Variants in RAP1GAP2 observed in about 807,000 individuals in gnomAD.
RAP1GAP2 encodes the protein rap1 GTPase-activating protein 2.
RAP1GAP2 carries 27 observed loss-of-function variants against 95.0 expected under a neutral mutation model. The observed-to-expected ratio is 0.28, with a 90% CI of 0.21 to 0.39. RAP1GAP2 has a LOEUF of 0.39. Ranked by LOEUF, RAP1GAP2 falls within the 10% of genes least tolerant of loss-of-function variation. The pLI is 1.00. For synonymous variants in RAP1GAP2, 373 were observed against 380.9 expected (o/e 0.98, Z 0.24); for missense variants, 771 against 970.0 (o/e 0.79, Z 2.72).
At chr17:2,830,669 A>G (rs1460855737) in intron 2 of RAP1GAP2, among the ~76,000 whole-genome samples, 5 of 151,686 alleles carry the variant, frequency 3.3e-5, no homozygotes, top group East Asian at 1.9e-4. Context: ...AGCCGAGATC[A>G]CACCACTGCA....
chr17:2,814,733 AC>A (rs954042016), intron 2 of RAP1GAP2, among the ~76,000 whole-genome samples: 49 of 150,168 alleles, frequency 3.3e-4, no homozygotes, highest in African/African-American at 1.2e-3. Flanking sequence ...GTGTGGTACC[AC>A]CCCCCCCAAC....
rs1259947293 is a variant in RAP1GAP2, at chr17:3,021,214, T to C, written c.1751+619T>C. 2.0e-5 allele frequency among the ~76,000 whole-genome samples: 3 copies of C among 152,180 alleles called. No individual in the cohort carries two copies. The South Asian group carries it at 6.2e-4, about 31-fold the overall frequency. ...TCTTTTCTAGCTATTTTGAGCTATG[T>C]AATACATTATTATCAACTATAGTCA... On this transcript the variant is annotated intron_variant, in intron 19 of 24. Transcript: ENST00000254695.
Position 2,867,559 on chromosome 17 carries a change from G to A in RAP1GAP2, c.81-37725G>A, listed in dbSNP as rs2072665224. ...GATGTCCCAGGGATGGCTCACCCTG[G>A]ACAGAAAGTGAGTCACATACGCATC... On this transcript the variant is annotated intron_variant, in intron 2 of 24. Transcript: ENST00000254695. The surrounding 1 kb of genome is among the most constrained non-coding windows in gnomAD (Gnocchi z 4.5). 6.6e-6 allele frequency among the ~76,000 whole-genome samples: 1 copy of A among 152,166 alleles called. No individual in the cohort carries two copies. The highest frequency in any genetic ancestry group is 1.5e-5 in the Non-Finnish European group (1 of 68,030).
chr17:2,779,695 G>A lies in RAP1GAP2; in HGVS notation c.-14+2417G>A, dbSNP rs116909756. Among the ~76,000 whole-genome samples the A allele has an allele frequency of 1.4e-4, 22 of 152,122 alleles. No homozygotes were observed. In the East Asian group the frequency reaches 3.3e-3, roughly 23 times the overall value. On this transcript the variant is annotated intron_variant, in intron 1 of 24. Transcript: ENST00000540393. The stretch of plus-strand genomic sequence containing the variant: ...TCAGAAGCAGGTGCTTGAAGGAGGA[G>A]TGGAGGGAGGGTGGATGCTGGCATT...
intron 12 of RAP1GAP2, among the ~76,000 whole-genome samples, chr17:2,993,194 C>T (rs1390108981): frequency 6.7e-6 from 1 of 149,268 alleles, no homozygotes; most frequent in Admixed American, 6.7e-5. Flanking sequence ...TGCACTTCAG[C>T]CTGGTCAATA....
At position 2,905,382 on chromosome 17, in the gene RAP1GAP2, A is replaced by G. The variant is rs755510815; in HGVS notation, c.165+14A>G. 1 of 1,611,676 alleles carries G rather than the reference A, an allele frequency of 6.2e-7. No homozygotes were observed. Among genetic ancestry groups the G allele is most frequent in the African/African-American group, 1.3e-5 (1 of 74,858 alleles). On this transcript the variant is annotated intron_variant, in intron 3 of 24. Coordinates refer to ENST00000254695, the MANE Select transcript of RAP1GAP2 (RefSeq NM_015085.5). ...CCCACCATGAAGGTAAGAGGCTTCG[A>G]TTCAGGAAGGCAGGGAGGGGAGAGT...
chr17:2,964,750 T>C (rs2044515209), intron 7 of RAP1GAP2: 1 of 152,730 alleles, frequency 6.5e-6, no homozygotes, highest in African/African-American at 2.4e-5. Context: ...TCTGAGTGCT[T>C]GTACTGCATA....
intron 1 of RAP1GAP2, among the ~76,000 whole-genome samples, chr17:2,790,174 A>G (rs991739000): frequency 1.5e-4 from 23 of 151,486 alleles, no homozygotes; most frequent in African/African-American, 4.6e-4. Flanking sequence ...GTGCAGCGGC[A>G]TGATCTCAGC....
chr17:2,839,317 A>AT (rs1036405242), intron 2 of RAP1GAP2, among the ~76,000 whole-genome samples: 9 of 144,552 alleles, frequency 6.2e-5, no homozygotes, highest in Admixed American at 4.7e-4. Flanking sequence ...CTTAATAATA[A>AT]AAAAAAAAAG....
Position 3,004,756 on chromosome 17 carries a change from CG to C in RAP1GAP2, c.1201-607del, listed in dbSNP as rs1461908732. Among the ~76,000 whole-genome samples the C allele has an allele frequency of 2.0e-5, 3 of 152,228 alleles. No homozygotes were observed. The highest frequency in any genetic ancestry group is 2.0e-4 in the Admixed American group (3 of 15,290). On this transcript the variant is annotated intron_variant, in intron 14 of 24. Transcript: ENST00000254695. The surrounding 1 kb of genome is among the most constrained non-coding windows in gnomAD (Gnocchi z 4.1). ...GGTCCACCGGCTGCACGAGAGTTTCCGGGGGGCCCTACCCTTCCGATTCGGC... is the reference window on the plus strand; with the variant it reads ...GGTCCACCGGCTGCACGAGAGTTTCCGGGGGCCCTACCCTTCCGATTCGGC...
At chr17:2,936,201 C>T (rs2043305890) in intron 3 of RAP1GAP2, among the ~76,000 whole-genome samples, 1 of 150,130 alleles carries the variant, frequency 6.7e-6, no homozygotes, top group Non-Finnish European at 1.5e-5. Context: ...TGGTGTGCTG[C>T]ACCCATTAAC....
intron 3 of RAP1GAP2, among the ~76,000 whole-genome samples, chr17:2,926,962 T>A (rs1046046069): frequency 7.7e-6 from 1 of 130,084 alleles, no homozygotes; most frequent in Non-Finnish European, 1.6e-5. Flanking sequence ...GCTGAGATTG[T>A]GCCACTGCAC....
chr17:2,760,732 G>A (rs4790361), intron 1 of RAP1GAP2, among the ~76,000 whole-genome samples: 55,354 of 151,356 alleles, frequency 0.37, 10,964 homozygotes, highest in African/African-American at 0.53. Flanking sequence ...ACCGCATTAC[G>A]TTTAGTTCCT....
intron 12 of RAP1GAP2, among the ~76,000 whole-genome samples, chr17:2,992,149 A>G (rs574484881): frequency 9.3e-5 from 14 of 149,886 alleles, no homozygotes; most frequent in Admixed American, 2.7e-4. Flanking sequence ...GCAGGAGTCC[A>G]TACAACAGTC....
At chr17:2,889,889 A>ATATTTTTTTTTTT (rs1408426152) in intron 2 of RAP1GAP2, among the ~76,000 whole-genome samples, 9 of 57,318 alleles carry the variant, frequency 1.6e-4, no homozygotes, top group South Asian at 7.8e-4. Context: ...ATATATATAT[A>ATATTTTTTTTTTT]TTTTTTTTTT....
At chr17:2,873,464 G>T in intron 2 of RAP1GAP2, among the ~76,000 whole-genome samples, 1 of 72,182 alleles carries the variant, frequency 1.4e-5, no homozygotes, top group Non-Finnish European at 2.4e-5. Context: ...AATAGAATGA[G>T]ACCCTGTCTC....
chr17:2,902,677 A>G lies in RAP1GAP2; in HGVS notation c.81-2607A>G, dbSNP rs943252765. Among the ~76,000 whole-genome samples, 1 of 152,110 alleles carries G rather than the reference A, an allele frequency of 6.6e-6. No individual in the cohort carries two copies. Among genetic ancestry groups the G allele is most frequent in the Non-Finnish European group, 1.5e-5 (1 of 68,014 alleles). On this transcript the variant is annotated intron_variant, in intron 2 of 24. Transcript: ENST00000254695. This position sits in a 1 kb window ranked among gnomAD's most constrained non-coding sequence, Gnocchi z 4.1. Reference sequence around the variant, plus strand: ...CAAGCTCCCAGGCATCATTTGGGAAATCCTTCTGGTCAGAAGCTGCCATGT... The same window carrying G: ...CAAGCTCCCAGGCATCATTTGGGAAGTCCTTCTGGTCAGAAGCTGCCATGT...
chr17:2,909,673 G>A (rs897475591), intron 3 of RAP1GAP2, among the ~76,000 whole-genome samples: 3 of 152,244 alleles, frequency 2.0e-5, no homozygotes, highest in African/African-American at 7.2e-5. Context: ...CTCAGCAGCT[G>A]CAGTCAGGAG....
chr17:2,845,756 G>C (rs1239172675), intron 2 of RAP1GAP2, among the ~76,000 whole-genome samples: 1 of 152,012 alleles, frequency 6.6e-6, no homozygotes, highest in East Asian at 1.9e-4. Flanking sequence ...AGCTACTCTG[G>C]AGGCTGAGGC....
Sources: gnomAD v4.1 joint callset for allele counts (sites outside exome capture counted in the v4.1 genomes callset) on GRCh38, gnomAD v4.1.1 for gene constraint, Gnocchi (gnomAD v3.1) non-coding constraint, MANE v1.5 for transcripts, NCBI Gene and HGNC (gene_info 2026-07-23, HGNC 2026-07-21) for gene names.